Variants in TUB observed in about 807,000 individuals in gnomAD.
TUB encodes TUB bipartite transcription factor, also known as tubby protein homolog.
TUB carries 33 observed loss-of-function variants against 59.7 expected under a neutral mutation model. That is an observed-to-expected ratio of 0.55 (90% CI 0.42 to 0.74). The LOEUF is 0.74. Among genes scored for constraint, TUB ranks in the 30% least tolerant of loss-of-function variants. TUB has a pLI of 0.00. For synonymous variants in TUB, 293 were observed against 256.4 expected, an observed-to-expected ratio of 1.14 and a Z score of -1.36; for missense variants, 659 against 672.0, an observed-to-expected ratio of 0.98 and a Z score of 0.21.
exon 1 of TUB, chr11:8,038,952 C>T (rs762503015): frequency 6.2e-7 from 1 of 1,614,074 alleles, no homozygotes; most frequent in South Asian, 1.1e-5. Context: ...AGGAGGCACT[C>T]CCTGGCCCAT....
intron 2 of TUB, among the ~76,000 whole-genome samples, chr11:8,054,965 C>G (rs1191318398): frequency 6.6e-6 from 1 of 152,204 alleles, no homozygotes; most frequent in Non-Finnish European, 1.5e-5. Flanking sequence ...GGTGTGGAGG[C>G]TGGCCCGTCC....
chr11:8,099,003 C>A (rs1239415950), intron 9 of TUB, 128 bp downstream of exon 9: 1 of 734,558 alleles, frequency 1.4e-6, no homozygotes, highest in Non-Finnish European at 2.4e-6. Flanking sequence ...GGGCTGTCCT[C>A]TGTGGAGTGT....
At chr11:8,032,237 T>C (rs1365221578) in intron 1 of TUB, among the ~76,000 whole-genome samples, 1 of 152,144 alleles carries the variant, frequency 6.6e-6, no homozygotes, top group African/African-American at 2.4e-5. Flanking sequence ...TGACCCTTTA[T>C]AGCCTTGTGA....
At chr11:8,028,747 G>T (rs1473889789) in intron 1 of TUB, among the ~76,000 whole-genome samples, 1 of 150,542 alleles carries the variant, frequency 6.6e-6, no homozygotes, top group Non-Finnish European at 1.5e-5. Context: ...AGTGGCTCAT[G>T]CCTGTAATCC....
intron 2 of TUB, among the ~76,000 whole-genome samples, 163 bp downstream of exon 2, chr11:8,089,824 C>T (rs11041736): frequency 1.3e-5 from 2 of 152,360 alleles, no homozygotes; most frequent in East Asian, 3.9e-4. Flanking sequence ...CAGCACTAAC[C>T]CTGCCGCGGC....
At position 8,101,672 on chromosome 11, in the gene TUB, C is replaced by T. The variant is rs1040787371; in HGVS notation, c.*53C>T. The T allele has an allele frequency of 2.6e-5, 42 of 1,599,278 alleles. No homozygotes were observed. The highest frequency in any genetic ancestry group is 3.5e-5 in the Non-Finnish European group (41 of 1,173,142). ...CCAGCCTGGAGCGGAGCTTGCCTGC[C>T]TGCCTGTGGAGACAGCCCTGCCTAT... On this transcript the variant is annotated 3_prime_UTR_variant, in exon 12 of 12. Coordinates refer to ENST00000299506, the MANE Select transcript of TUB (RefSeq NM_177972.3).
intron 1 of TUB, among the ~76,000 whole-genome samples, chr11:8,087,865 C>T (rs1943697159): frequency 6.6e-6 from 1 of 152,214 alleles, no homozygotes; most frequent in African/African-American, 2.4e-5. Flanking sequence ...CACTGCAGTC[C>T]TCCAGCCTGG....
intron 2 of TUB, among the ~76,000 whole-genome samples, chr11:8,057,259 T>A (rs1394036445): frequency 6.6e-6 from 1 of 152,160 alleles, no homozygotes; most frequent in Non-Finnish European, 1.5e-5. Context: ...AGCATCAAAC[T>A]GGCCGGGCAC....
intron 2 of TUB, among the ~76,000 whole-genome samples, chr11:8,057,857 G>T (rs757970345): frequency 6.6e-6 from 1 of 152,100 alleles, no homozygotes; most frequent in Non-Finnish European, 1.5e-5. Flanking sequence ...CTTTGTATAA[G>T]GGCACTGGTT....
At chr11:8,037,692 T>A (rs1393675101), upstream of TUB, among the ~76,000 whole-genome samples, 1 of 152,044 alleles carries the variant, frequency 6.6e-6, no homozygotes, top group Non-Finnish European at 1.5e-5. Flanking sequence ...CAGAAGGTGA[T>A]GTTGTCATTA....
chr11:8,101,865 T>G lies in TUB; in HGVS notation c.*246T>G. 1.8e-6 allele frequency: 1 copy of G among 553,394 alleles called. No individual in the cohort carries two copies. Among genetic ancestry groups the G allele is most frequent in the Non-Finnish European group, 3.1e-6 (1 of 319,210 alleles). The allele number at this position is 553,394 out of a possible 1,614,324, so 34.3% of individuals were successfully genotyped here. A position where few individuals can be genotyped will look rare whatever the true frequency, so the allele number is the denominator to read the frequency against. On this transcript the variant is annotated 3_prime_UTR_variant, in exon 12 of 12. Coordinates refer to ENST00000299506, the MANE Select transcript of TUB (RefSeq NM_177972.3). ...GAATAATTCTTTCCATGCCACGAGA[T>G]CAACACACACTCCCACCCTTGGGGT... is the stretch of plus-strand genomic sequence containing the variant.
chr11:8,022,598 C>G (rs1037646689), intron 1 of TUB, among the ~76,000 whole-genome samples: 1 of 152,136 alleles, frequency 6.6e-6, no homozygotes, highest in Non-Finnish European at 1.5e-5. Flanking sequence ...CTTAAAATAA[C>G]AACTGTTTTG....
intron 2 of TUB, among the ~76,000 whole-genome samples, chr11:8,050,767 A>G (rs1942922283): frequency 6.6e-6 from 1 of 152,230 alleles, no homozygotes; most frequent in Admixed American, 6.5e-5. Context: ...CCATCTAACT[A>G]GAAGATATTA....
At chr11:8,045,896 G>T (rs146123105) in intron 2 of TUB, among the ~76,000 whole-genome samples, 26 of 152,004 alleles carry the variant, frequency 1.7e-4, no homozygotes, top group South Asian at 2.1e-4. Flanking sequence ...CTTTCTGCTC[G>T]GACTGGTGGG....
At chr11:8,079,663 CATGTGTGTAG>C (rs1485944695), upstream of TUB, among the ~76,000 whole-genome samples, 2 of 102,580 alleles carry the variant, frequency 1.9e-5, no homozygotes, top group Non-Finnish European at 5.0e-5. Flanking sequence ...TGTGTGCATG[CATGTGTGTAG>C]GTGTGTGTAG....
chr11:8,072,742 A>G (rs75544105), intron 2 of TUB, among the ~76,000 whole-genome samples: 3,587 of 152,304 alleles, frequency 0.024, 70 homozygotes, highest in Non-Finnish European at 0.036. Flanking sequence ...GCCTGGGGAA[A>G]GTGGTCTCTG....
chr11:8,029,306 C>T (rs1942538422), intron 1 of TUB, among the ~76,000 whole-genome samples: 1 of 151,918 alleles, frequency 6.6e-6, no homozygotes, highest in Non-Finnish European at 1.5e-5. Flanking sequence ...CTGACTTTAC[C>T]TTTCGAGGAG....
chr11:8,053,268 AACTT>A (rs1942962542), intron 2 of TUB, among the ~76,000 whole-genome samples: 1 of 152,162 alleles, frequency 6.6e-6, no homozygotes, highest in Non-Finnish European at 1.5e-5. Flanking sequence ...TTTTTCATTC[AACTT>A]ACTTCTAGGT....
intron 3 of TUB, 22 bp downstream of exon 3, chr11:8,090,253 A>G: frequency 6.2e-7 from 1 of 1,610,690 alleles, no homozygotes; most frequent in African/African-American, 1.3e-5. Context: ...CTGCTGCCCC[A>G]CATCCCGTCA....
Sources: allele counts gnomAD v4.1 joint callset (sites outside exome capture counted in the v4.1 genomes callset), GRCh38; gene constraint gnomAD v4.1.1; transcripts MANE v1.5; gene names NCBI Gene and HGNC (gene_info 2026-07-23, HGNC 2026-07-21).